The following TRIP10 variants were observed in gnomAD, a reference collection of about 807,000 sequenced individuals.
TRIP10 encodes the protein thyroid hormone receptor interactor 10, also known as cdc42-interacting protein 4.
Under a neutral mutation model 80.9 loss-of-function variants are expected in TRIP10, and 54 were observed. The ratio of observed to expected loss-of-function variants is 0.67; its 90% CI spans 0.54 to 0.84. TRIP10 has a LOEUF of 0.84. Among genes scored for constraint, TRIP10 ranks in the 40% least tolerant of loss-of-function variants. The pLI is 0.00. For missense variants in TRIP10, 773 were observed against 815.3 expected (o/e 0.95, Z 0.63); for synonymous variants, 321 against 307.2 (o/e 1.04, Z -0.47).
Position 6,743,608 on chromosome 19 carries a change from G to A in TRIP10, c.513+10G>A, listed in dbSNP as rs1568251008. ...GGCTGATGTGGAGAAGGTGTGTGTGGCGGGGGCGGGGGGGGGGTGCGGGGT... is the reference window on the plus strand; with the variant it reads ...GGCTGATGTGGAGAAGGTGTGTGTGACGGGGGCGGGGGGGGGGTGCGGGGT... On this transcript the variant is annotated intron_variant, in intron 6 of 14. Transcript: ENST00000313244. The A allele has an allele frequency of 7.2e-7, 1 of 1,387,262 alleles. No homozygotes were observed. Among genetic ancestry groups the A allele is most frequent in the South Asian group, 1.2e-5 (1 of 86,702 alleles). The allele number at this position is 1,387,262 out of a possible 1,614,324, so 85.9% of individuals were successfully genotyped here.
chr19:6,745,529 T>C lies in TRIP10; in HGVS notation c.985-500T>C, dbSNP rs1408836663. ...ATGCCCCTAACCCCTCTCATTTTCCTGCCTTCCACTCCCTCTCGGCTTGTG... is the reference window on the plus strand; with the variant it reads ...ATGCCCCTAACCCCTCTCATTTTCCCGCCTTCCACTCCCTCTCGGCTTGTG... On this transcript the variant is annotated intron_variant, in intron 9 of 14. Transcript: ENST00000313244. This position sits in a 1 kb window ranked among gnomAD's most constrained non-coding sequence, Gnocchi z 7.2. 2.0e-5 allele frequency: 20 copies of C among 981,648 alleles called. No homozygotes were observed. The highest frequency in any genetic ancestry group is 2.1e-5 in the Non-Finnish European group (17 of 826,694). The allele number at this position is 981,648 out of a possible 1,614,324, so 60.8% of individuals were successfully genotyped here. A position where few individuals can be genotyped will look rare whatever the true frequency, so the allele number is the denominator to read the frequency against.
chr19:6,750,684 G>T (rs1969266918), intron 14 of TRIP10, 51 bp downstream of exon 14: 1 of 1,604,826 alleles, frequency 6.2e-7, no homozygotes. Context: ...AGTGTCTCTG[G>T]CTAGGTTCAG....
chr19:6,742,759 G>A (rs1382002598), intron 3 of TRIP10, among the ~76,000 whole-genome samples: 4 of 146,898 alleles, frequency 2.7e-5, no homozygotes, highest in African/African-American at 7.7e-5. Flanking sequence ...TGCAGCCTGG[G>A]TGACAGCAAG....
intron 1 of TRIP10, chr19:6,740,799 G>C: frequency 1.8e-6 from 1 of 560,244 alleles, no homozygotes; most frequent in Non-Finnish European, 3.2e-6. Context: ...CTGGGGCCTG[G>C]GCGCTGTTCT....
rs2145557444 is a variant in TRIP10 at position 6,750,903 on chromosome 19, G to A, written c.1658-160G>A. 4.1e-6 allele frequency: 5 copies of A among 1,234,388 alleles called. No individual in the cohort carries two copies. The highest frequency in any genetic ancestry group is 5.4e-5 in the East Asian group (2 of 36,828). The allele number at this position is 1,234,388 out of a possible 1,614,324, so 76.5% of individuals were successfully genotyped here. A position where few individuals can be genotyped will look rare whatever the true frequency, so the allele number is the denominator to read the frequency against. On this transcript the variant is annotated intron_variant, in intron 14 of 14. Transcript: ENST00000313244. ...CCCAGCTACTCGGGAGGCTGAGGCA[G>A]GAGAATCCCTTGAACCTGGAGGCAG...
intron 11 of TRIP10, among the ~76,000 whole-genome samples, chr19:6,747,854 C>G (rs1209638367): frequency 6.6e-6 from 1 of 151,790 alleles, no homozygotes; most frequent in Non-Finnish European, 1.5e-5. Context: ...CCTATAAGCC[C>G]AGCACTTTGG....
chr19:6,748,103 TA>T (rs1331962200), intron 11 of TRIP10, among the ~76,000 whole-genome samples: 1 of 151,998 alleles, frequency 6.6e-6, no homozygotes, highest in Non-Finnish European at 1.5e-5. Flanking sequence ...AAAAGCAGCA[TA>T]TGGTTATCTA....
chr19:6,741,299 C>A lies in TRIP10; in HGVS notation c.197+18C>A. 1 of 1,600,370 alleles carries A rather than the reference C, an allele frequency of 6.2e-7. No individual in the cohort carries two copies. The highest frequency in any genetic ancestry group is 1.1e-5 in the South Asian group (1 of 89,360). On this transcript the variant is annotated intron_variant, in intron 3 of 14. Coordinates refer to ENST00000313244, the MANE Select transcript of TRIP10 (RefSeq NM_001288962.2). ...GAGTCCAAGTAAGGTTGGAGAGGGG[C>A]TGCAGGGCTAGATTTGTGGGGAAAG...
At position 6,746,039 on chromosome 19, in the gene TRIP10, C is replaced by T; in HGVS notation, c.995C>T (p.Pro332Leu). 2.4e-6 allele frequency: 3 copies of T among 1,228,632 alleles called. No individual in the cohort carries two copies. The highest frequency in any genetic ancestry group is 3.3e-6 in the Non-Finnish European group (3 of 922,608). The allele number at this position is 1,228,632 out of a possible 1,614,324, so 76.1% of individuals were successfully genotyped here. ...GGCCCCCGCCGGTAGCCTCGCCCCC[C>T]ACCCCTCTCCCCCCTGGGGGGCCCC... ...PFGKKNKPRP[P>L]PLSPLGGPVP... Residue 332 changes from proline (P) to leucine (L), a missense_variant, in exon 10 of 15, where the codon CCA becomes CTA. By Grantham distance (98) the Pro-to-Leu change is moderately conservative. Coordinates refer to ENST00000313244, the MANE Select transcript of TRIP10 (RefSeq NM_001288962.2). The surrounding 1 kb of genome is among the most constrained non-coding windows in gnomAD (Gnocchi z 6.2).
chr19:6,750,513 T>A lies in TRIP10; in HGVS notation c.1537T>A (p.Ser513Thr). Residue 513 changes from serine to threonine, a missense_variant and splice_region_variant, in exon 14 of 15, where the codon TCT becomes ACT. Physicochemically the swap from Ser to Thr is moderately conservative, Grantham distance 58 (BLOSUM62 1). Transcript: ENST00000313244. ...ATCTGCCGAATTATCCCCAAACAGC[T>A]CTGAAGAGCCTCCCTCAGAAGAGAG... is the stretch of plus-strand genomic sequence containing the variant. ...NSASQDTKES[S>T]EEPPSEESQD... 6.2e-7 allele frequency: 1 copy of A among 1,613,970 alleles called. No individual in the cohort carries two copies. The highest frequency in any genetic ancestry group is 8.5e-7 in the Non-Finnish European group (1 of 1,179,970).
At chr19:6,740,400 C>G (rs528203433) in intron 1 of TRIP10, among the ~76,000 whole-genome samples, 34 of 152,352 alleles carry the variant, frequency 2.2e-4, no homozygotes, top group African/African-American at 7.9e-4. Flanking sequence ...TCCCCCTATC[C>G]TAGCCGGACC....
chr19:6,746,221 G>C lies in TRIP10; in HGVS notation c.1152+25G>C, dbSNP rs1748600836. On this transcript the variant is annotated intron_variant, in intron 10 of 14. Coordinates refer to ENST00000313244, the MANE Select transcript of TRIP10 (RefSeq NM_001288962.2). This position sits in a 1 kb window ranked among gnomAD's most constrained non-coding sequence, Gnocchi z 6.2. Reference sequence around the variant, plus strand: ...GGTAAGTGAGGCCTCGGGGCAGGAGGAGGTGGTGGCCCTAGCCTGCCCAGC... The same window carrying C: ...GGTAAGTGAGGCCTCGGGGCAGGAGCAGGTGGTGGCCCTAGCCTGCCCAGC... 2.0e-6 allele frequency: 3 copies of C among 1,509,098 alleles called. No homozygotes were observed. Among genetic ancestry groups the C allele is most frequent in the Non-Finnish European group, 2.7e-6 (3 of 1,122,482 alleles). 93.5% of individuals were successfully genotyped at this position (1,509,098 alleles called of 1,614,324 possible).
chr19:6,750,143 G>GGGGGGC, intron 12 of TRIP10, 77 bp downstream of exon 12: 7 of 842,218 alleles, frequency 8.3e-6, no homozygotes, highest in Non-Finnish European at 1.3e-5. Flanking sequence ...GGGGGTCGGG[G>GGGGGGC]ACAGGGGAGG....
At position 6,746,059 on chromosome 19, in the gene TRIP10, G is replaced by A. The variant is rs752470269; in HGVS notation, c.1015G>A (p.Gly339Ser). Residue 339 changes from glycine (G) to serine (S), a missense_variant, in exon 10 of 15, where the codon GGC (glycine) becomes AGC (serine). Gly to Ser is a moderately conservative substitution (Grantham distance 56, BLOSUM62 0). Transcript: ENST00000313244. The surrounding 1 kb of genome is among the most constrained non-coding windows in gnomAD (Gnocchi z 6.2). Reference sequence around the variant, plus strand: ...CCCCCCACCCCTCTCCCCCCTGGGGGGCCCCGTACCCTCGGCATTGCCTAA... The same window carrying A: ...CCCCCCACCCCTCTCCCCCCTGGGGAGCCCCGTACCCTCGGCATTGCCTAA... Reference protein sequence around the residue: ...PRPPPLSPLGGPVPSALPNGP... With the variant: ...PRPPPLSPLGSPVPSALPNGP... 307 of 1,429,342 alleles carry A rather than the reference G, an allele frequency of 2.1e-4. 3 individuals are homozygous for A. The highest frequency in any genetic ancestry group is 1.7e-3 in the Middle Eastern group (9 of 5,356). 88.5% of individuals were successfully genotyped at this position (1,429,342 alleles called of 1,614,324 possible). A position where few individuals can be genotyped will look rare whatever the true frequency, so the allele number is the denominator to read the frequency against.
chr19:6,745,853 G>A lies in TRIP10; in HGVS notation c.985-176G>A, dbSNP rs1268105816. The A allele has an allele frequency of 1.0e-6, 1 of 985,202 alleles. No individual in the cohort carries two copies. The highest frequency in any genetic ancestry group is 6.2e-5 in the Admixed American group (1 of 16,246). The allele number at this position is 985,202 out of a possible 1,614,324, so 61.0% of individuals were successfully genotyped here. A position where few individuals can be genotyped will look rare whatever the true frequency, so the allele number is the denominator to read the frequency against. On this transcript the variant is annotated intron_variant, in intron 9 of 14. Transcript: ENST00000313244. This position sits in a 1 kb window ranked among gnomAD's most constrained non-coding sequence, Gnocchi z 7.2. ...TTCTCTGTGTGGTTGTGCATCTTGA[G>A]TTGTGGTTTTCTTACCGTTTTTTTT...
In TRIP10 at chr19:6,745,323, C is replaced by G. The variant is rs1294703912; in HGVS notation, c.984+329C>G. 5 of 363,334 alleles carry G rather than the reference C, an allele frequency of 1.4e-5. No homozygotes were observed. The highest frequency in any genetic ancestry group is 4.9e-6 in the Non-Finnish European group (1 of 203,372). The allele number at this position is 363,334 out of a possible 1,614,324, so 22.5% of individuals were successfully genotyped here. A position where few individuals can be genotyped will look rare whatever the true frequency, so the allele number is the denominator to read the frequency against. ...CTGGGGACTCCCCGAGTTTCTCTCT[C>G]CATCCTGCTGATGGGACTCTGGGAG... On this transcript the variant is annotated intron_variant, in intron 9 of 14. Transcript: ENST00000313244. The surrounding 1 kb of genome is among the most constrained non-coding windows in gnomAD (Gnocchi z 7.2).
rs760405696 is a variant in TRIP10, at chr19:6,746,190, C to T, written c.1146C>T (p.Ser382=). The change falls in exon 10 of 15, where the codon AGC becomes AGT. Residue 382 remains serine, a synonymous_variant. Transcript: ENST00000313244. The surrounding 1 kb of genome is among the most constrained non-coding windows in gnomAD (Gnocchi z 6.2). ...RLASFRSLRG[S]RGTVVTEDFS... ...CATCCTTCCGCAGCCTTCGAGGCAG[C>T]CGTGGGGTAAGTGAGGCCTCGGGGC... is the stretch of plus-strand genomic sequence containing the variant. The T allele has an allele frequency of 2.0e-6, 3 of 1,533,234 alleles. No individual in the cohort carries two copies. Among genetic ancestry groups the T allele is most frequent in the South Asian group, 1.2e-5 (1 of 82,146 alleles). 95.0% of individuals were successfully genotyped at this position (1,533,234 alleles called of 1,614,324 possible).
Position 6,750,218 on chromosome 19 carries a change from G to A in TRIP10, c.1396-74G>A, listed in dbSNP as rs1599569725. 1.3e-5 allele frequency: 20 copies of A among 1,592,534 alleles called. No individual in the cohort carries two copies. The East Asian group carries it at 4.3e-4, about 34-fold the overall frequency. ...CCTTGGCTGTGCGTGGGTGATCTCAGGGAACCTCTGGGTCCAAAGTGGGCT... is the reference window on the plus strand; with the variant it reads ...CCTTGGCTGTGCGTGGGTGATCTCAAGGAACCTCTGGGTCCAAAGTGGGCT... On this transcript the variant is annotated intron_variant, in intron 12 of 14. Coordinates refer to ENST00000313244, the MANE Select transcript of TRIP10 (RefSeq NM_001288962.2).
intron 14 of TRIP10, 163 bp from the exon 15 acceptor site, chr19:6,750,900 G>T (rs1182433850): frequency 3.3e-6 from 4 of 1,214,784 alleles, no homozygotes; most frequent in Non-Finnish European, 4.4e-6. Flanking sequence ...GGAGGCTGAG[G>T]CAGGAGAATC....
Sources: allele counts gnomAD v4.1 joint callset (sites outside exome capture counted in the v4.1 genomes callset), GRCh38; gene constraint gnomAD v4.1.1; non-coding constraint Gnocchi (gnomAD v3.1); transcripts MANE v1.5; gene names NCBI Gene and HGNC (gene_info 2026-07-23, HGNC 2026-07-21).